PRKN: variants seen among roughly 807,000 people sequenced by gnomAD.
The protein encoded by PRKN is parkin RBR E3 ubiquitin protein ligase, also known as E3 ubiquitin-protein ligase parkin.
Under a neutral mutation model 59.5 loss-of-function variants are expected in PRKN, and 56 were observed. The observed-to-expected ratio is 0.94, with a 90% confidence interval of 0.76 to 1.18. The LOEUF (loss-of-function observed/expected upper bound fraction) is 1.18, where lower values mean the gene tolerates loss of function less well. Among genes scored for constraint, PRKN ranks in the 50% most tolerant of loss-of-function variants. The pLI is 0.00. For missense variants in PRKN, 657 were observed against 596.4 expected (o/e 1.10, Z -1.06); for synonymous variants, 250 against 222.1 (o/e 1.13, Z -1.12).
chr6:162,317,451 C>T (rs527993889), intron 2 of PRKN, among the ~76,000 whole-genome samples: 1 of 152,064 alleles, frequency 6.6e-6, no homozygotes, highest in Non-Finnish European at 1.5e-5. Context: ...TCAATTAAAC[C>T]TCTTTGCTTT....
chr6:162,162,627 A>G (rs1355495155), intron 4 of PRKN, among the ~76,000 whole-genome samples: 2 of 152,232 alleles, frequency 1.3e-5, no homozygotes, highest in East Asian at 3.8e-4. Flanking sequence ...CCTTCATAAG[A>G]CTTTTCTAAC....
chr6:162,383,797 C>T (rs1482857389), intron 2 of PRKN, among the ~76,000 whole-genome samples: 1 of 152,164 alleles, frequency 6.6e-6, no homozygotes. Flanking sequence ...TTACTGTTGT[C>T]ACCTTCATCG....
intron 7 of PRKN, among the ~76,000 whole-genome samples, chr6:161,753,258 A>G (rs1431791740): frequency 6.6e-6 from 1 of 152,076 alleles, no homozygotes; most frequent in East Asian, 1.9e-4. Context: ...GAAGCTAATA[A>G]AGGAGACAGA....
intron 2 of PRKN, among the ~76,000 whole-genome samples, chr6:162,369,408 GC>G (rs1347572737): frequency 6.6e-6 from 1 of 152,016 alleles, no homozygotes; most frequent in African/African-American, 2.4e-5. Context: ...AGATAACAGT[GC>G]CATAAATCTA....
At chr6:162,407,160 C>T (rs4709606) in intron 2 of PRKN, among the ~76,000 whole-genome samples, 48,805 of 151,956 alleles carry the variant, frequency 0.32, 8,093 homozygotes, top group East Asian at 0.57. Context: ...CTTGCCCTCA[C>T]TCACTTAAAA....
intron 1 of PRKN, among the ~76,000 whole-genome samples, chr6:162,496,789 C>T (rs754998608): frequency 5.9e-5 from 9 of 152,166 alleles, no homozygotes; most frequent in South Asian, 2.1e-4. Flanking sequence ...ACACTTTAGA[C>T]GCAATTGATA....
chr6:162,237,621 G>A (rs1334459659), intron 3 of PRKN, among the ~76,000 whole-genome samples: 1 of 152,100 alleles, frequency 6.6e-6, no homozygotes, highest in African/African-American at 2.4e-5. Context: ...AAAAGAAGGT[G>A]GAGAAAGGAG....
intron 7 of PRKN, among the ~76,000 whole-genome samples, chr6:161,731,820 T>C (rs930800800): frequency 6.6e-6 from 1 of 152,226 alleles, no homozygotes; most frequent in Non-Finnish European, 1.5e-5. Flanking sequence ...GAAGACAAAT[T>C]GTGAGCACAA....
At chr6:162,005,477 A>C (rs894453630) in intron 5 of PRKN, among the ~76,000 whole-genome samples, 2 of 151,700 alleles carry the variant, frequency 1.3e-5, no homozygotes, top group African/African-American at 4.9e-5. Context: ...ATTCAACTCA[A>C]CTCTCAATCC....
intron 9 of PRKN, among the ~76,000 whole-genome samples, chr6:161,477,148 T>C (rs1042858509): frequency 2.0e-5 from 3 of 152,224 alleles, no homozygotes; most frequent in Non-Finnish European, 4.4e-5. Flanking sequence ...AAAAGATATT[T>C]GGCTTTAAAA....
intron 2 of PRKN, among the ~76,000 whole-genome samples, chr6:162,309,782 T>G (rs79836673): frequency 0.039 from 5,868 of 151,862 alleles, 366 homozygotes; most frequent in African/African-American, 0.13. Flanking sequence ...TGTCATGGAG[T>G]TTTGCTGTAC....
intron 1 of PRKN, among the ~76,000 whole-genome samples, chr6:162,540,591 G>T (rs1175020442): frequency 6.6e-6 from 1 of 151,920 alleles, no homozygotes; most frequent in African/African-American, 2.4e-5. Context: ...GTGATCACCT[G>T]AGGTCAGGAG....
At chr6:162,199,354 C>A (rs982860775) in intron 4 of PRKN, among the ~76,000 whole-genome samples, 1 of 152,182 alleles carries the variant, frequency 6.6e-6, no homozygotes, top group African/African-American at 2.4e-5. Context: ...ATTATCCTCA[C>A]ATCTAAAATA....
At chr6:161,855,625 A>C (rs6455781) in intron 6 of PRKN, among the ~76,000 whole-genome samples, 75,648 of 151,942 alleles carry the variant, frequency 0.5, 19,075 homozygotes, top group East Asian at 0.76. Context: ...GCTATAGGGT[A>C]AGCTCAAATT....
chr6:161,813,151 C>A (rs777545669), intron 6 of PRKN, among the ~76,000 whole-genome samples: 1 of 152,162 alleles, frequency 6.6e-6, no homozygotes, highest in Non-Finnish European at 1.5e-5. Flanking sequence ...TGGATGGATT[C>A]TGTTTTAACT....
intron 1 of PRKN, among the ~76,000 whole-genome samples, chr6:162,481,017 T>G (rs949033459): frequency 6.6e-6 from 1 of 151,960 alleles, no homozygotes; most frequent in African/African-American, 2.4e-5. Context: ...AAAGACAGAG[T>G]TTTGCCATGT....
At position 162,352,581 on chromosome 6, in the gene PRKN, A is replaced by G. The variant is rs573498257; in HGVS notation, c.172-89816T>C. ...GGGAGGAGAGAGACTTTCAGTAACA[A>G]TCACTCAGGGGAAAGCAATGGCATC... On this transcript the variant is annotated intron_variant, in intron 2 of 11. Coordinates refer to ENST00000366898, the MANE Select transcript of PRKN (RefSeq NM_004562.3). 4.6e-4 allele frequency among the ~76,000 whole-genome samples: 70 copies of G among 152,306 alleles called. 1 individual carries two copies. The South Asian group carries it at 0.014, about 31-fold the overall frequency.
Position 161,709,795 on chromosome 6 carries a change from T to C in PRKN, c.871+75977A>G, listed in dbSNP as rs77995975. ...TTAAGCATTATATAAGAATTCTATA[T>C]GTAAAACATCTAAGACAAAGTTTAA... On this transcript the variant is annotated intron_variant, in intron 7 of 11. Transcript: ENST00000366898. Among the ~76,000 whole-genome samples, 955 of 152,316 alleles carry C rather than the reference T, an allele frequency of 6.3e-3. 18 individuals carry two copies. Among genetic ancestry groups the C allele is most frequent in the African/African-American group, 0.022 (916 of 41,572 alleles).
chr6:162,485,914 C>T lies in PRKN; in HGVS notation c.8-42441G>A, dbSNP rs116559518. Among the ~76,000 whole-genome samples, 753 of 152,316 alleles carry T rather than the reference C, an allele frequency of 4.9e-3. 7 individuals are homozygous for T. The highest frequency in any genetic ancestry group is 0.018 in the African/African-American group (729 of 41,572). Reference sequence around the variant, plus strand: ...TTAGAAAATCCTAAAGAACCATAATCTTCTATCGCATATGCAAAGCCTGTT... The same window carrying T: ...TTAGAAAATCCTAAAGAACCATAATTTTCTATCGCATATGCAAAGCCTGTT... On this transcript the variant is annotated intron_variant, in intron 1 of 11. Transcript: ENST00000366898.
Sources: allele counts gnomAD v4.1 joint callset (sites outside exome capture counted in the v4.1 genomes callset), GRCh38; gene constraint gnomAD v4.1.1; transcripts MANE v1.5; gene names NCBI Gene and HGNC (gene_info 2026-07-23, HGNC 2026-07-21).